The following TMEM45A variants were observed in gnomAD, a reference collection of about 807,000 sequenced individuals.
The protein encoded by TMEM45A is DNA polymerase-transactivated protein 4.
A neutral mutation model predicts 32.0 loss-of-function variants in TMEM45A; 25 were observed. The observed-to-expected ratio is 0.78, with a 90% CI of 0.57 to 1.09. The LOEUF (loss-of-function observed/expected upper bound fraction) is 1.09, where lower values mean the gene tolerates loss of function less well. Ranked by LOEUF, TMEM45A falls within the 50% of genes least tolerant of loss-of-function variation. TMEM45A has a pLI of 0.00. For missense variants in TMEM45A, 302 were observed against 325.0 expected (o/e 0.93, Z 0.54); for synonymous variants, 122 against 114.8 (o/e 1.06, Z -0.40).
chr3:100,515,352 A>G (rs953386280), intron 1 of TMEM45A, among the ~76,000 whole-genome samples: 2 of 151,738 alleles, frequency 1.3e-5, no homozygotes, highest in Non-Finnish European at 1.5e-5. Context: ...ATTGGAAATC[A>G]TCATTCTCAG....
chr3:100,506,036 CGTACTGACCAGCACCT>C (rs1454405352), intron 1 of TMEM45A, among the ~76,000 whole-genome samples: 1 of 152,120 alleles, frequency 6.6e-6, no homozygotes, highest in Non-Finnish European at 1.5e-5. Context: ...GATTCAGCAT[CGTACTGACCAGCACCT>C]GTATGTGGGG....
chr3:100,548,774 C>T (rs1254512616), intron 1 of TMEM45A, among the ~76,000 whole-genome samples: 8 of 152,322 alleles, frequency 5.3e-5, no homozygotes, highest in South Asian at 2.1e-4. Context: ...GTGCCTCAAG[C>T]GCCTGAAGTG....
At chr3:100,510,317 C>T (rs1207410769) in intron 1 of TMEM45A, among the ~76,000 whole-genome samples, 4 of 152,056 alleles carry the variant, frequency 2.6e-5, no homozygotes, top group Non-Finnish European at 5.9e-5. Context: ...GACCCCTGAC[C>T]CCCGAGCAGC....
intron 1 of TMEM45A, among the ~76,000 whole-genome samples, chr3:100,505,424 C>A (rs551760742): frequency 1.3e-5 from 2 of 152,164 alleles, no homozygotes; most frequent in Admixed American, 6.5e-5. Flanking sequence ...ATTTCATTGT[C>A]TTTTGCTAAT....
intron 1 of TMEM45A, among the ~76,000 whole-genome samples, chr3:100,509,506 C>A (rs1708124362): frequency 6.6e-6 from 1 of 152,174 alleles, no homozygotes; most frequent in South Asian, 2.1e-4. Context: ...CAGCACTATT[C>A]ACAATAGCCA....
chr3:100,519,715 G>A, intron 1 of TMEM45A: 1 of 1,169,294 alleles, frequency 8.6e-7, no homozygotes, highest in Non-Finnish European at 1.2e-6. Flanking sequence ...GTGTATTTAT[G>A]ACATTGTGCA....
At chr3:100,520,260 TC>T (rs1396735000) in intron 1 of TMEM45A, among the ~76,000 whole-genome samples, 5 of 152,132 alleles carry the variant, frequency 3.3e-5, no homozygotes, top group African/African-American at 1.2e-4. Context: ...GAGAAAGAGC[TC>T]CCCTGCAGAG....
rs747148114 is a variant in TMEM45A, at chr3:100,551,010, C to CTTT, written c.-3-4180_-3-4178dup. On this transcript the variant is annotated intron_variant, in intron 1 of 5. Coordinates refer to ENST00000323523, the MANE Select transcript of TMEM45A (RefSeq NM_018004.3). ...CGTCTTTTTAGGCCTGGGTGAACTGCTTTTTTTTTTTTTTTTTTTTTGAGA... is the reference window on the plus strand; with the variant it reads ...CGTCTTTTTAGGCCTGGGTGAACTGCTTTTTTTTTTTTTTTTTTTTTTTTGAGA... Among the ~76,000 whole-genome samples the CTTT allele has an allele frequency of 6.7e-4, 80 of 119,606 alleles. 1 individual carries two copies. The highest frequency in any genetic ancestry group is 1.1e-3 in the African/African-American group (31 of 28,334). The allele number at this position is 119,606 out of a possible 152,430, so 78.5% of individuals were successfully genotyped here. A position where few individuals can be genotyped will look rare whatever the true frequency, so the allele number is the denominator to read the frequency against.
At chr3:100,549,404 T>G (rs1427546857) in intron 1 of TMEM45A, among the ~76,000 whole-genome samples, 2 of 152,214 alleles carry the variant, frequency 1.3e-5, no homozygotes. Context: ...TCTGTCTGTC[T>G]CCATGGCCTG....
intron 1 of TMEM45A, among the ~76,000 whole-genome samples, chr3:100,551,528 C>T (rs1706103131): frequency 6.6e-6 from 1 of 152,242 alleles, no homozygotes; most frequent in East Asian, 1.9e-4. Flanking sequence ...CTTTACTTGG[C>T]TTTTACAAGG....
intron 1 of TMEM45A, among the ~76,000 whole-genome samples, chr3:100,524,786 AGCTC>A (rs1055838809): frequency 1.3e-5 from 2 of 152,154 alleles, no homozygotes; most frequent in African/African-American, 4.8e-5. Context: ...CTGACCAGTA[AGCTC>A]ACCTTCCTTC....
chr3:100,568,897 A>G lies in TMEM45A; in HGVS notation c.664A>G (p.Thr222Ala). The G allele has an allele frequency of 6.2e-7, 1 of 1,613,866 alleles. No individual in the cohort carries two copies. Among genetic ancestry groups the G allele is most frequent in the South Asian group, 1.1e-5 (1 of 91,060 alleles). The change falls in exon 5 of 6, where the codon ACC (threonine) becomes GCC (alanine). Residue 222 changes from threonine (T) to alanine (A), a missense_variant. Transcript: ENST00000323523. ...GGATCATGAAAATATTTTGTTTCTC[A>G]CCATATGCTTTTGTTGGCATTATGC... is the stretch of plus-strand genomic sequence containing the variant. ...LMDHENILFL[T>A]ICFCWHYAVT...
chr3:100,534,855 A>G (rs1309516044), intron 1 of TMEM45A, among the ~76,000 whole-genome samples: 1 of 152,208 alleles, frequency 6.6e-6, no homozygotes, highest in African/African-American at 2.4e-5. Flanking sequence ...TCTTCTGGGA[A>G]TTAGAGCCAA....
chr3:100,575,655 G>A (rs567659291), intron 5 of TMEM45A, among the ~76,000 whole-genome samples: 5 of 152,328 alleles, frequency 3.3e-5, no homozygotes, highest in African/African-American at 1.2e-4. Context: ...ATAGGCATGA[G>A]CCACCATGCC....
intron 5 of TMEM45A, among the ~76,000 whole-genome samples, chr3:100,575,286 G>T (rs1706658496): frequency 6.6e-6 from 1 of 151,514 alleles, no homozygotes; most frequent in Non-Finnish European, 1.5e-5. Context: ...AGCCTGCTGA[G>T]CTTCAGCTGC....
At chr3:100,562,238 T>G (rs887818010) in intron 4 of TMEM45A, among the ~76,000 whole-genome samples, 1 of 152,160 alleles carries the variant, frequency 6.6e-6, no homozygotes, top group African/African-American at 2.4e-5. Context: ...TTTTGGAATT[T>G]TATATAAGGA....
intron 1 of TMEM45A, among the ~76,000 whole-genome samples, chr3:100,505,350 C>A (rs969485524): frequency 6.6e-6 from 1 of 152,186 alleles, no homozygotes; most frequent in Non-Finnish European, 1.5e-5. Context: ...TCCCTAACAT[C>A]CCCCCAACCC....
At chr3:100,517,110 T>TTTTTC (rs60770063) in intron 1 of TMEM45A, among the ~76,000 whole-genome samples, 72,895 of 150,734 alleles carry the variant, frequency 0.48, 19,890 homozygotes, top group African/African-American at 0.75. Flanking sequence ...GGGAATGAAA[T>TTTTTC]TTTTCTTTTC....
intron 4 of TMEM45A, among the ~76,000 whole-genome samples, chr3:100,566,501 A>T (rs1706442634): frequency 6.6e-6 from 1 of 152,196 alleles, no homozygotes; most frequent in Non-Finnish European, 1.5e-5. Flanking sequence ...TGTCAGTTAC[A>T]GTGCTTAGGC....
Sources: gnomAD v4.1 joint callset for allele counts (sites outside exome capture counted in the v4.1 genomes callset) on GRCh38, gnomAD v4.1.1 for gene constraint, MANE v1.5 for transcripts, NCBI Gene and HGNC (gene_info 2026-07-23, HGNC 2026-07-21) for gene names.